The following NOS1AP variants were observed in gnomAD, a reference collection of about 807,000 sequenced individuals.
The protein encoded by NOS1AP is carboxyl-terminal PDZ ligand of neuronal nitric oxide synthase protein.
NOS1AP carries 21 observed loss-of-function variants against 56.2 expected under a neutral mutation model. That is an observed-to-expected ratio of 0.37 (90% CI 0.26 to 0.54). NOS1AP has a LOEUF of 0.54. Ranked by LOEUF, NOS1AP falls within the 20% of genes least tolerant of loss-of-function variation. The pLI, the probability that NOS1AP is intolerant of heterozygous loss-of-function variation, is 0.84. For missense variants in NOS1AP, 522 were observed against 657.8 expected (o/e 0.79, Z 2.26); for synonymous variants, 270 against 274.6 (o/e 0.98, Z 0.17).
At chr1:162,125,917 T>A (rs1648468000) in intron 1 of NOS1AP, among the ~76,000 whole-genome samples, 1 of 152,218 alleles carries the variant, frequency 6.6e-6, no homozygotes, top group Non-Finnish European at 1.5e-5. Flanking sequence ...AGGGAATGTA[T>A]TGCCATTTGT....
chr1:162,279,085 G>A (rs566828287), intron 2 of NOS1AP, among the ~76,000 whole-genome samples: 5 of 152,186 alleles, frequency 3.3e-5, no homozygotes, highest in Non-Finnish European at 4.4e-5. Context: ...TTAAAGAAGA[G>A]AAGATTCTAA....
intron 4 of NOS1AP, among the ~76,000 whole-genome samples, chr1:162,322,021 G>A (rs436239): frequency 6.6e-6 from 1 of 151,938 alleles, no homozygotes; most frequent in Admixed American, 6.6e-5. Context: ...CAATATATCC[G>A]TGTAACAAAC....
At chr1:162,214,968 T>C (rs1383471319) in intron 2 of NOS1AP, among the ~76,000 whole-genome samples, 4 of 152,210 alleles carry the variant, frequency 2.6e-5, no homozygotes, top group African/African-American at 9.6e-5. Context: ...CCAGGCTACA[T>C]CAGTGAGTGG....
chr1:162,130,406 T>G (rs1381552577), intron 1 of NOS1AP, among the ~76,000 whole-genome samples: 1 of 152,242 alleles, frequency 6.6e-6, no homozygotes, highest in Non-Finnish European at 1.5e-5. Context: ...TTGCACCTAG[T>G]GGATACTTAC....
intron 4 of NOS1AP, among the ~76,000 whole-genome samples, chr1:162,305,763 G>A (rs1222064310): frequency 6.6e-6 from 1 of 152,180 alleles, no homozygotes; most frequent in Non-Finnish European, 1.5e-5. Flanking sequence ...TAGATCCAGT[G>A]TAATTTATTT....
In NOS1AP at chr1:162,199,595, CGTGTGTGTGTGT is replaced by C. The variant is rs58625856; in HGVS notation, c.177+45154_177+45165del. On this transcript the variant is annotated intron_variant, in intron 2 of 9. Transcript: ENST00000361897. ...ATTCTGGACAACAGAGCATGGATTG[CGTGTGTGTGTGT>C]GTGTGTGTGTGTGTGTGTGTGTGTG... Among the ~76,000 whole-genome samples the C allele has an allele frequency of 1.4e-3, 184 of 131,698 alleles. 1 individual carries two copies. The highest frequency in any genetic ancestry group is 4.2e-3 in the Admixed American group (54 of 13,000). The allele number at this position is 131,698 out of a possible 152,430, so 86.4% of individuals were successfully genotyped here.
At chr1:162,138,804 G>A (rs1053368938) in intron 1 of NOS1AP, among the ~76,000 whole-genome samples, 1 of 152,186 alleles carries the variant, frequency 6.6e-6, no homozygotes, top group African/African-American at 2.4e-5. Context: ...GTGTTTTACT[G>A]TCTTGCTAGT....
At chr1:162,218,544 A>G (rs1342130396) in intron 2 of NOS1AP, among the ~76,000 whole-genome samples, 1 of 152,076 alleles carries the variant, frequency 6.6e-6, no homozygotes, top group Non-Finnish European at 1.5e-5. Flanking sequence ...TGCAGTTGTC[A>G]TTTGTCTGTG....
At chr1:162,134,677 A>G (rs1314027374) in intron 1 of NOS1AP, among the ~76,000 whole-genome samples, 1 of 151,878 alleles carries the variant, frequency 6.6e-6, no homozygotes, top group African/African-American at 2.4e-5. Context: ...TGTCCCTATT[A>G]TCTCCCAGAT....
At chr1:162,160,764 A>C (rs1305860941) in intron 2 of NOS1AP, among the ~76,000 whole-genome samples, 1 of 152,126 alleles carries the variant, frequency 6.6e-6, no homozygotes. Flanking sequence ...TGTAACACAA[A>C]CCTCTGTTTC....
chr1:162,185,405 C>T lies in NOS1AP; in HGVS notation c.177+30929C>T, dbSNP rs76122590. Among the ~76,000 whole-genome samples, 1,341 of 152,314 alleles carry T rather than the reference C, an allele frequency of 8.8e-3. 10 individuals are homozygous for T. Among genetic ancestry groups the T allele is most frequent in the Non-Finnish European group, 0.012 (824 of 68,034 alleles). ...GTTTCATTCTGTGGTAACATAATTCCGCCCTACTTCCTAGAATCAGTGGCC... is the reference window on the plus strand; with the variant it reads ...GTTTCATTCTGTGGTAACATAATTCTGCCCTACTTCCTAGAATCAGTGGCC... On this transcript the variant is annotated intron_variant, in intron 2 of 9. Transcript: ENST00000361897.
chr1:162,250,565 C>G (rs1653816588), intron 2 of NOS1AP, among the ~76,000 whole-genome samples: 1 of 152,072 alleles, frequency 6.6e-6, no homozygotes, highest in Admixed American at 6.6e-5. Context: ...GGAAAGCCCC[C>G]CTCCATAGTC....
intron 2 of NOS1AP, among the ~76,000 whole-genome samples, chr1:162,203,790 A>T (rs1652069931): frequency 6.6e-6 from 1 of 152,206 alleles, no homozygotes; most frequent in Admixed American, 6.5e-5. Context: ...GAAAGGGGTT[A>T]TCACATCCCA....
chr1:162,266,837 C>T (rs1037579152), intron 2 of NOS1AP, among the ~76,000 whole-genome samples: 3 of 152,168 alleles, frequency 2.0e-5, no homozygotes, highest in Non-Finnish European at 4.4e-5. Flanking sequence ...CAAGGGGATA[C>T]CTTTTTCTAG....
In NOS1AP at chr1:162,370,235, T is replaced by A. The variant is rs1450456085; in HGVS notation, c.*2768T>A. 6.6e-6 allele frequency: 1 copy of A among 152,248 alleles called. No homozygotes were observed. The highest frequency in any genetic ancestry group is 1.5e-5 in the Non-Finnish European group (1 of 68,054). The allele number at this position is 152,248 out of a possible 1,614,324, so 9.4% of individuals were successfully genotyped here. On this transcript the variant is annotated 3_prime_UTR_variant, in exon 10 of 10. Transcript: ENST00000361897. ...ATCAATGCTCTCTCTGTAAAACCTC[T>A]TCCTAGCCTCATTTCTCTCAACTGA...
At chr1:162,256,956 C>G (rs981525144) in intron 2 of NOS1AP, among the ~76,000 whole-genome samples, 1 of 152,080 alleles carries the variant, frequency 6.6e-6, no homozygotes. Flanking sequence ...AAGTGCCAAC[C>G]ACTTACAGGG....
intron 8 of NOS1AP, chr1:162,360,429 G>A (rs555849241): frequency 1.3e-4 from 24 of 178,620 alleles, no homozygotes; most frequent in South Asian, 8.7e-4. Context: ...GGGCTGGGCC[G>A]ACATAGTCTC....
At chr1:162,174,736 T>C (rs982510782) in intron 2 of NOS1AP, among the ~76,000 whole-genome samples, 1 of 152,214 alleles carries the variant, frequency 6.6e-6, no homozygotes, top group African/African-American at 2.4e-5. Flanking sequence ...ATTGATATAT[T>C]CTTATTAACT....
In NOS1AP at chr1:162,271,417, G is replaced by A. The variant is rs150933753; in HGVS notation, c.178-15927G>A. ...TATGGAAAGAAAGTATGAGGGCCAC[G>A]TGGTGAGCACCAGCCGAGGCTAAAT... On this transcript the variant is annotated intron_variant, in intron 2 of 9. Coordinates refer to ENST00000361897, the MANE Select transcript of NOS1AP (RefSeq NM_014697.3). Among the ~76,000 whole-genome samples, 45 of 152,322 alleles carry A rather than the reference G, an allele frequency of 3.0e-4. 2 individuals carry two copies. Among genetic ancestry groups the A allele is most frequent in the African/African-American group, 9.1e-4 (38 of 41,566 alleles).
Sources: allele counts gnomAD v4.1 joint callset (sites outside exome capture counted in the v4.1 genomes callset), GRCh38; gene constraint gnomAD v4.1.1; transcripts MANE v1.5; gene names NCBI Gene and HGNC (gene_info 2026-07-23, HGNC 2026-07-21).